Variants in CD93 observed in about 807,000 individuals in gnomAD.
The protein encoded by CD93 is complement component C1q receptor.
Under a neutral mutation model 45.5 loss-of-function variants are expected in CD93, and 44 were observed. The observed-to-expected ratio is 0.97, with a 90% CI of 0.76 to 1.24. CD93 has a LOEUF of 1.24. Among genes scored for constraint, CD93 ranks in the 50% most tolerant of loss-of-function variants. CD93 has a pLI of 0.00. For synonymous variants in CD93, 431 were observed against 370.8 expected (o/e 1.16, Z -1.87); for missense variants, 918 against 844.5 (o/e 1.09, Z -1.08).
chr20:23,084,911 C>T lies in CD93; in HGVS notation c.1282G>A (p.Val428Met), dbSNP rs41347947. The T allele has an allele frequency of 9.3e-6, 15 of 1,613,268 alleles. No individual in the cohort carries two copies. Among genetic ancestry groups the T allele is most frequent in the African/African-American group, 4.0e-5 (3 of 75,008 alleles). Residue 428 changes from valine to methionine, a missense_variant, in exon 1 of 2, where the codon GTG becomes ATG. Val to Met is a conservative substitution (Grantham distance 21). Coordinates refer to ENST00000246006, the MANE Select transcript of CD93 (RefSeq NM_012072.4). ...CCCCCCGGGCCCACACACTCATCCA[C>T]GTCCTGGCACTGAGTCCCGTCCTCC... Reference protein sequence around the residue: ...AGEDGTQCQDVDECVGPGGPL... With the variant: ...AGEDGTQCQDMDECVGPGGPL...
In CD93 at chr20:23,083,991, A is replaced by G; in HGVS notation, c.1935-17T>C. 1 of 1,614,030 alleles carries G rather than the reference A, an allele frequency of 6.2e-7. No individual in the cohort carries two copies. Among genetic ancestry groups the G allele is most frequent in the Non-Finnish European group, 8.5e-7 (1 of 1,179,966 alleles). On this transcript the variant is annotated splice_polypyrimidine_tract_variant and intron_variant, in intron 1 of 1. Transcript: ENST00000246006. ...GGTGTCGGACTATGGGAAACAAAAC[A>G]GACAGCGTTGGAAGCCATGGCGCCT... is the stretch of plus-strand genomic sequence containing the variant.
Position 23,084,332 on chromosome 20 carries a change from G to GCTTCTTCTC in CD93, c.1852_1860dup (p.Glu618_Lys620dup). ...GAGTAACTGTCTGCCGCATTCTGGG[G>GCTTCTTCTC]CTTCTTCTCCTTCTTCTCCTCCCTC... On this transcript the variant is annotated inframe_insertion, in exon 1 of 2. Transcript: ENST00000246006. The GCTTCTTCTC allele has an allele frequency of 7.4e-6, 12 of 1,614,212 alleles. No homozygotes were observed. Among genetic ancestry groups the GCTTCTTCTC allele is most frequent in the Non-Finnish European group, 1.0e-5 (12 of 1,180,046 alleles).
rs199653820 is a variant in CD93 at position 23,085,188 on chromosome 20, C to T, written c.1005G>A (p.Gln335=). The stretch of plus-strand genomic sequence containing the variant: ...CACAGTCCAGCTGACTCGAGTCCAG[C>T]TGGTACCCTTGGGGGCAGCGGCACG... ...NYTCRCPQGY[Q]LDSSQLDCVD... Residue 335 remains glutamine (Q), a synonymous_variant, in exon 1 of 2, where the codon CAG becomes CAA. Coordinates refer to ENST00000246006, the MANE Select transcript of CD93 (RefSeq NM_012072.4). 175 of 1,590,384 alleles carry T rather than the reference C, an allele frequency of 1.1e-4. 1 individual carries two copies. In the African/African-American group the frequency reaches 2.2e-3, roughly 20 times the overall value.
chr20:23,084,664 G>T lies in CD93; in HGVS notation c.1529C>A (p.Pro510His), dbSNP rs1163522353. ...TCTACTTGTGGTGGGTGTAGCCTTG[G>T]GGGTGCCCTCGGGGCCCCTTGTGGG... is the stretch of plus-strand genomic sequence containing the variant. The part of the protein sequence containing the change: ...ASPTRGPEGT[P>H]KATPTTSRPS... Residue 510 changes from proline (P) to histidine (H), a missense_variant, in exon 1 of 2, where the codon CCC becomes CAC. Pro to His is a moderately conservative substitution (Grantham distance 77). Coordinates refer to ENST00000246006, the MANE Select transcript of CD93 (RefSeq NM_012072.4). The T allele has an allele frequency of 6.3e-7, 1 of 1,589,750 alleles. No individual in the cohort carries two copies. Among genetic ancestry groups the T allele is most frequent in the Non-Finnish European group, 8.6e-7 (1 of 1,168,112 alleles).
In CD93 at chr20:23,084,236, C is replaced by T. The variant is rs752762254; in HGVS notation, c.1934+23G>A. On this transcript the variant is annotated intron_variant, in intron 1 of 1. Coordinates refer to ENST00000246006, the MANE Select transcript of CD93 (RefSeq NM_012072.4). The stretch of plus-strand genomic sequence containing the variant: ...CCCCATGCCTGCCCATCCCCTCCCC[C>T]GGTCACTCAGGGCCCCCTTTACCTG... 25 of 1,608,872 alleles carry T rather than the reference C, an allele frequency of 1.6e-5. No individual in the cohort carries two copies. In the Middle Eastern group the frequency reaches 6.6e-4, roughly 43 times the overall value.
rs761534658 is a variant in CD93 at position 23,081,377 on chromosome 20, C to T, written c.*2573G>A. The T allele has an allele frequency of 5.9e-5, 9 of 152,372 alleles. No homozygotes were observed. Among genetic ancestry groups the T allele is most frequent in the East Asian group, 5.8e-4 (3 of 5,190 alleles). The allele number at this position is 152,372 out of a possible 1,614,324, so 9.4% of individuals were successfully genotyped here. A position where few individuals can be genotyped will look rare whatever the true frequency, so the allele number is the denominator to read the frequency against. On this transcript the variant is annotated 3_prime_UTR_variant, in exon 2 of 2. Coordinates refer to ENST00000246006, the MANE Select transcript of CD93 (RefSeq NM_012072.4). ...GACGATTTGTTAATGGCCTCTTGGC[C>T]GGTGGGCATTTGTTTACCCACTACT...
rs773618817 is a variant in CD93 at position 23,084,816 on chromosome 20, C to A, written c.1377G>T (p.Val459=). 7 of 1,613,376 alleles carry A rather than the reference C, an allele frequency of 4.3e-6. No homozygotes were observed. In the South Asian group the frequency reaches 7.7e-5, roughly 18 times the overall value. Residue 459 remains valine, a synonymous_variant, in exon 1 of 2, where the codon GTG becomes GTT. Transcript: ENST00000246006. ...SFHCGCLPGW[V]LAPNGVSCTM... ...TGCAAGAGACCCCATTTGGGGCCAG[C>A]ACCCAGCCTGGCAGGCAGCCACAGT...
chr20:23,084,130 A>G lies in CD93; in HGVS notation c.1934+129T>C, dbSNP rs41412346. The G allele has an allele frequency of 2.4e-3, 3,329 of 1,408,128 alleles. 74 individuals are homozygous for G. The East Asian group carries it at 0.057, about 24-fold the overall frequency. The allele number at this position is 1,408,128 out of a possible 1,614,324, so 87.2% of individuals were successfully genotyped here. A position where few individuals can be genotyped will look rare whatever the true frequency, so the allele number is the denominator to read the frequency against. ...TGGCGTGGGGGGAGGTTGAGGGGTC[A>G]GCTGCAAGGACCAGGGTGTGTCTGC... On this transcript the variant is annotated intron_variant, in intron 1 of 1. Transcript: ENST00000246006.
In CD93 at chr20:23,084,025, G is replaced by A. The variant is rs560586757; in HGVS notation, c.1935-51C>T. Reference sequence around the variant, plus strand: ...TGGAAGCCATGGCGCCTCTGTGCCTGCACGTCCCCACCTTGGGAGAGAGCC... The same window carrying A: ...TGGAAGCCATGGCGCCTCTGTGCCTACACGTCCCCACCTTGGGAGAGAGCC... On this transcript the variant is annotated intron_variant, in intron 1 of 1. Transcript: ENST00000246006. The A allele has an allele frequency of 2.9e-5, 47 of 1,606,788 alleles. No homozygotes were observed. In the South Asian group the frequency reaches 4.4e-4, roughly 15 times the overall value.
At position 23,085,589 on chromosome 20, in the gene CD93, T is replaced by G; in HGVS notation, c.604A>C (p.Thr202Pro). The change falls in exon 1 of 2, where the codon ACC becomes CCC. Residue 202 changes from threonine (T) to proline (P), a missense_variant. Transcript: ENST00000246006. Reference sequence around the variant, plus strand: ...GAACTGGTGGTCTGGAAGGGGGTGGTGTAGGTCACCTGACCTGGGCCCCCC... The same window carrying G: ...GAACTGGTGGTCTGGAAGGGGGTGGGGTAGGTCACCTGACCTGGGCCCCCC... The part of the protein sequence containing the change: ...ALGGPGQVTY[T>P]TPFQTTSSSL... The G allele has an allele frequency of 6.2e-7, 1 of 1,613,686 alleles. No homozygotes were observed.
In CD93 at chr20:23,084,373, C is replaced by A. The variant is rs769815543; in HGVS notation, c.1820G>T (p.Arg607Leu). The A allele has an allele frequency of 5.6e-6, 9 of 1,614,114 alleles. No individual in the cohort carries two copies. The African/African-American group carries it at 8.0e-5, about 14-fold the overall frequency. The change falls in exon 1 of 2, where the codon CGC becomes CTC. Residue 607 changes from arginine (R) to leucine (L), a missense_variant. Physicochemically the swap from Arg to Leu is moderately radical, Grantham distance 102. Transcript: ENST00000246006. Reference protein sequence around the residue: ...LALALGLLVYRKRRAKREEKK... With the variant: ...LALALGLLVYLKRRAKREEKK... ...CTCCTCCCTCTTCGCTCTCCGCTTG[C>A]GATAGACCAGTAGCCCCAGAGCCAG...
At position 23,085,047 on chromosome 20, in the gene CD93, G is replaced by T. The variant is rs1423599435; in HGVS notation, c.1146C>A (p.Ala382=). The T allele has an allele frequency of 6.2e-7, 1 of 1,613,898 alleles. No homozygotes were observed. Among genetic ancestry groups the T allele is most frequent in the African/African-American group, 1.3e-5 (1 of 75,042 alleles). ...GYEPGGPGEG[A]CQDVDECALG... is the part of the protein sequence containing the mutation. ...GAGCACACTCATCCACATCCTGACA[G>T]GCCCCCTCTCCAGGACCGCCCGGCT... Residue 382 remains alanine (A), a synonymous_variant, in exon 1 of 2, where the codon GCC becomes GCA. Coordinates refer to ENST00000246006, the MANE Select transcript of CD93 (RefSeq NM_012072.4).
At position 23,083,188 on chromosome 20, in the gene CD93, G is replaced by A. The variant is rs1313083405; in HGVS notation, c.*762C>T. 1 of 152,226 alleles carries A rather than the reference G, an allele frequency of 6.6e-6. No homozygotes were observed. The highest frequency in any genetic ancestry group is 1.9e-4 in the East Asian group (1 of 5,194). 9.4% of individuals were successfully genotyped at this position (152,226 alleles called of 1,614,324 possible). A position where few individuals can be genotyped will look rare whatever the true frequency, so the allele number is the denominator to read the frequency against. ...TTCAAGTATCTGTGAACAAATCCCT[G>A]GCCTCTCTCGCCCTAGCCCCGTAGA... On this transcript the variant is annotated 3_prime_UTR_variant, in exon 2 of 2. Coordinates refer to ENST00000246006, the MANE Select transcript of CD93 (RefSeq NM_012072.4).
In CD93 at chr20:23,084,675, G is replaced by C. The variant is rs1451904158; in HGVS notation, c.1518C>G (p.Pro506=). The C allele has an allele frequency of 2.5e-6, 4 of 1,585,046 alleles. No individual in the cohort carries two copies. Among genetic ancestry groups the C allele is most frequent in the Non-Finnish European group, 3.4e-6 (4 of 1,166,202 alleles). Residue 506 remains proline, a synonymous_variant, in exon 1 of 2, where the codon CCC becomes CCG. Transcript: ENST00000246006. ...RAATASPTRG[P]EGTPKATPTT... ...TGGGTGTAGCCTTGGGGGTGCCCTC[G>C]GGGCCCCTTGTGGGACTGGCTGTTG...
Position 23,081,589 on chromosome 20 carries a change from G to A in CD93, c.*2361C>T, listed in dbSNP as rs1044320659. On this transcript the variant is annotated 3_prime_UTR_variant, in exon 2 of 2. Coordinates refer to ENST00000246006, the MANE Select transcript of CD93 (RefSeq NM_012072.4). ...TGCAAGAGAAAGCACCACCCAGCAG[G>A]AGAGGGACCCAGCCTGCCAGGGAAG... The A allele has an allele frequency of 6.6e-6, 1 of 152,238 alleles. No individual in the cohort carries two copies. Among genetic ancestry groups the A allele is most frequent in the African/African-American group, 2.4e-5 (1 of 41,454 alleles). The allele number at this position is 152,238 out of a possible 1,614,324, so 9.4% of individuals were successfully genotyped here. A position where few individuals can be genotyped will look rare whatever the true frequency, so the allele number is the denominator to read the frequency against.
chr20:23,084,071 G>A lies in CD93; in HGVS notation c.1935-97C>T, dbSNP rs1274628743. On this transcript the variant is annotated intron_variant, in intron 1 of 1. Coordinates refer to ENST00000246006, the MANE Select transcript of CD93 (RefSeq NM_012072.4). ...GAGCCCCACGTGCGGCCGTGCTGCA[G>A]ATGGGCAGTATGCTCTAAGGGGGCC... 2.7e-5 allele frequency: 41 copies of A among 1,499,514 alleles called. No homozygotes were observed. In the East Asian group the frequency reaches 8.6e-4, roughly 31 times the overall value. The allele number at this position is 1,499,514 out of a possible 1,614,324, so 92.9% of individuals were successfully genotyped here.
Position 23,085,050 on chromosome 20 carries a change from C to T in CD93, c.1143G>A (p.Gly381=). The change falls in exon 1 of 2, where the codon GGG becomes GGA. Residue 381 remains glycine, a synonymous_variant. Coordinates refer to ENST00000246006, the MANE Select transcript of CD93 (RefSeq NM_012072.4). ...VGYEPGGPGE[G]ACQDVDECAL... is the part of the protein sequence containing the mutation. ...CACACTCATCCACATCCTGACAGGC[C>T]CCCTCTCCAGGACCGCCCGGCTCAT... 6.2e-7 allele frequency: 1 copy of T among 1,613,808 alleles called. No homozygotes were observed. The highest frequency in any genetic ancestry group is 1.3e-5 in the African/African-American group (1 of 75,048).
chr20:23,083,520 T>A lies in CD93; in HGVS notation c.*430A>T. ...TTACCTAATTGAATAATTAATTGATTTAGTTTTCATCCTAGGAAGAGAAAC... is the reference window on the plus strand; with the variant it reads ...TTACCTAATTGAATAATTAATTGATATAGTTTTCATCCTAGGAAGAGAAAC... On this transcript the variant is annotated 3_prime_UTR_variant, in exon 2 of 2. Coordinates refer to ENST00000246006, the MANE Select transcript of CD93 (RefSeq NM_012072.4). 1 of 172,520 alleles carries A rather than the reference T, an allele frequency of 5.8e-6. No individual in the cohort carries two copies. Among genetic ancestry groups the A allele is most frequent in the East Asian group, 1.6e-4 (1 of 6,220 alleles). The allele number at this position is 172,520 out of a possible 1,614,324, so 10.7% of individuals were successfully genotyped here. A position where few individuals can be genotyped will look rare whatever the true frequency, so the allele number is the denominator to read the frequency against.
Position 23,084,749 on chromosome 20 carries a change from C to G in CD93, c.1444G>C (p.Asp482His), listed in dbSNP as rs142122866. Residue 482 changes from aspartate (D) to histidine (H), a missense_variant, in exon 1 of 2, where the codon GAT becomes CAT. Transcript: ENST00000246006. ...TCTTTCTCTCCTTTGTCCTCCTCATCGGGGGGCCCAGATGGTGGTCCCAGA... is the reference window on the plus strand; with the variant it reads ...TCTTTCTCTCCTTTGTCCTCCTCATGGGGGGGCCCAGATGGTGGTCCCAGA... ...VSLGPPSGPPDEEDKGEKEGS... is the reference protein window; with the variant it reads ...VSLGPPSGPPHEEDKGEKEGS... 6.2e-7 allele frequency: 1 copy of G among 1,608,814 alleles called. No homozygotes were observed. Among genetic ancestry groups the G allele is most frequent in the African/African-American group, 1.3e-5 (1 of 74,784 alleles).
Sources: gnomAD v4.1 joint callset for allele counts on GRCh38, gnomAD v4.1.1 for gene constraint, MANE v1.5 for transcripts, NCBI Gene and HGNC (gene_info 2026-07-23, HGNC 2026-07-21) for gene names.